The following BBS9 variants were observed in gnomAD, a reference collection of about 807,000 sequenced individuals.
BBS9 encodes the protein Bardet-Biedl syndrome 9.
Under a neutral mutation model 117.7 loss-of-function variants are expected in BBS9, and 89 were observed. That is an observed-to-expected ratio of 0.76 (90% CI 0.64 to 0.90). The LOEUF (loss-of-function observed/expected upper bound fraction) is 0.90, where lower values mean the gene tolerates loss of function less well. Ranked by LOEUF, BBS9 falls within the 40% of genes least tolerant of loss-of-function variation. The probability of loss-of-function intolerance (pLI) is 0.00; values close to 1 mark genes in which losing one functional copy is unlikely to be tolerated. For missense variants in BBS9, 982 were observed against 1,042.2 expected (o/e 0.94, Z 0.80); for synonymous variants, 379 against 370.9 (o/e 1.02, Z -0.25).
intron 1 of BBS9, among the ~76,000 whole-genome samples, chr7:33,141,632 T>G (rs1791481092): frequency 6.6e-6 from 1 of 152,150 alleles, no homozygotes; most frequent in South Asian, 2.1e-4. Context: ...TTGATGTTAG[T>G]ATAATACTAA....
intron 21 of BBS9, among the ~76,000 whole-genome samples, chr7:33,555,743 G>A (rs889841834): frequency 6.6e-6 from 1 of 152,134 alleles, no homozygotes; most frequent in African/African-American, 2.4e-5. Context: ...ACAGTTTGAG[G>A]GAGACAGATC....
chr7:33,632,041 C>T (rs541981930), intron 21 of BBS9, among the ~76,000 whole-genome samples: 5 of 152,254 alleles, frequency 3.3e-5, no homozygotes, highest in South Asian at 4.1e-4. Context: ...ACAAATTAGG[C>T]TGGAAACCGT....
At chr7:33,423,748 C>G (rs1833228520) in intron 19 of BBS9, among the ~76,000 whole-genome samples, 1 of 152,056 alleles carries the variant, frequency 6.6e-6, no homozygotes, top group African/African-American at 2.4e-5. Flanking sequence ...AACTTGAAGT[C>G]TTCTTTCAGT....
At chr7:33,165,080 A>T (rs932010342) in intron 4 of BBS9, among the ~76,000 whole-genome samples, 2 of 151,918 alleles carry the variant, frequency 1.3e-5, no homozygotes, top group African/African-American at 4.8e-5. Context: ...TTTCTCCTTC[A>T]CTTATTAAGC....
At chr7:33,392,027 A>G (rs1827160759) in intron 19 of BBS9, among the ~76,000 whole-genome samples, 1 of 152,268 alleles carries the variant, frequency 6.6e-6, no homozygotes, top group African/African-American at 2.4e-5. Context: ...GATTCTTTAA[A>G]TGTACTTTTT....
intron 5 of BBS9, among the ~76,000 whole-genome samples, chr7:33,192,416 A>G (rs536812034): frequency 1.3e-5 from 2 of 152,338 alleles, no homozygotes; most frequent in South Asian, 4.1e-4. Context: ...CGTGCACTTG[A>G]AATCAAAACT....
At chr7:33,275,128 T>C (rs1239064959) in intron 9 of BBS9, among the ~76,000 whole-genome samples, 8 of 152,104 alleles carry the variant, frequency 5.3e-5, no homozygotes, top group African/African-American at 1.9e-4. Flanking sequence ...CGAAGGGTAT[T>C]CATATTTGCA....
intron 21 of BBS9, among the ~76,000 whole-genome samples, chr7:33,542,790 T>TACACACACAC (rs368494839): frequency 4.5e-5 from 6 of 134,324 alleles, no homozygotes; most frequent in South Asian, 5.1e-4. Context: ...TATATATATG[T>TACACACACAC]ACACACACAC....
rs1341890166 is a variant in BBS9 at position 33,208,119 on chromosome 7, A to G, written c.442+30528A>G. 5.3e-5 allele frequency among the ~76,000 whole-genome samples: 8 copies of G among 152,090 alleles called. No individual in the cohort carries two copies. The East Asian group carries it at 1.5e-3, about 29-fold the overall frequency. On this transcript the variant is annotated intron_variant, in intron 5 of 22. Coordinates refer to ENST00000242067, the MANE Select transcript of BBS9 (RefSeq NM_198428.3). ...CCACCATGCCCAGCCCATAGAAATA[A>G]CTTAAAAGTCATGCATTCCTACCAT...
intron 6 of BBS9, among the ~76,000 whole-genome samples, chr7:33,260,192 G>A (rs916494122): frequency 1.3e-5 from 2 of 152,068 alleles, no homozygotes; most frequent in African/African-American, 2.4e-5. Context: ...AGTAGAGACA[G>A]GGTTTCATTG....
intron 1 of BBS9, among the ~76,000 whole-genome samples, chr7:33,136,217 C>A (rs1790436884): frequency 6.6e-6 from 1 of 152,122 alleles, no homozygotes; most frequent in Admixed American, 6.5e-5. Context: ...TATCCTGCAA[C>A]CTTGCTTAAC....
chr7:33,572,445 T>G, intron 21 of BBS9, among the ~76,000 whole-genome samples: 1 of 152,158 alleles, frequency 6.6e-6, no homozygotes, highest in Admixed American at 6.5e-5. Context: ...TCCTTTCTTT[T>G]GGATATATAT....
intron 9 of BBS9, among the ~76,000 whole-genome samples, chr7:33,326,315 C>T (rs371497062): frequency 9.2e-5 from 14 of 151,756 alleles, no homozygotes; most frequent in African/African-American, 1.2e-4. Context: ...ATCTGGCTAC[C>T]GCTGATGTTC....
Position 33,273,208 on chromosome 7 carries a change from A to G in BBS9, c.886+13A>G. ...CCATATTGCTCAGGTGTGTAGAAAG[A>G]TTTTCTTTTATCTCTTCCATATGTC... is the stretch of plus-strand genomic sequence containing the variant. On this transcript the variant is annotated intron_variant, in intron 8 of 22. Coordinates refer to ENST00000242067, the MANE Select transcript of BBS9 (RefSeq NM_198428.3). The G allele has an allele frequency of 1.2e-6, 2 of 1,613,250 alleles. No individual in the cohort carries two copies. Among genetic ancestry groups the G allele is most frequent in the Non-Finnish European group, 1.7e-6 (2 of 1,179,430 alleles).
chr7:33,485,408 C>T (rs1218178257), intron 19 of BBS9, among the ~76,000 whole-genome samples: 2 of 148,494 alleles, frequency 1.3e-5, no homozygotes, highest in Non-Finnish European at 3.0e-5. Flanking sequence ...CTCCCGGGTT[C>T]ATGCCATTCT....
intron 16 of BBS9, among the ~76,000 whole-genome samples, chr7:33,366,830 C>T (rs1283821317): frequency 2.0e-5 from 3 of 152,162 alleles, no homozygotes; most frequent in African/African-American, 7.2e-5. Flanking sequence ...AGTCATGAGC[C>T]ACCACGCCTG....
intron 21 of BBS9, among the ~76,000 whole-genome samples, chr7:33,595,187 A>G (rs1321972233): frequency 6.6e-6 from 1 of 152,228 alleles, no homozygotes; most frequent in Non-Finnish European, 1.5e-5. Flanking sequence ...GCCAAAATTG[A>G]CAAATGGGAT....
At chr7:33,438,297 A>G (rs1205529639) in intron 19 of BBS9, among the ~76,000 whole-genome samples, 2 of 152,230 alleles carry the variant, frequency 1.3e-5, no homozygotes, top group East Asian at 3.8e-4. Context: ...AGCAAGTTAT[A>G]AAAAGCACAG....
chr7:33,458,140 A>G (rs1296947733), intron 19 of BBS9, among the ~76,000 whole-genome samples: 1 of 152,166 alleles, frequency 6.6e-6, no homozygotes, highest in African/African-American at 2.4e-5. Flanking sequence ...TGTTTTTTGA[A>G]TAATGCTTAT....
Sources: allele counts gnomAD v4.1 joint callset (sites outside exome capture counted in the v4.1 genomes callset), GRCh38; gene constraint gnomAD v4.1.1; transcripts MANE v1.5; gene names NCBI Gene and HGNC (gene_info 2026-07-23, HGNC 2026-07-21).